The following MDGA2 variants were observed in gnomAD, a reference collection of about 807,000 sequenced individuals.
MDGA2 encodes the protein MAM domain-containing glycosylphosphatidylinositol anchor protein 2.
Under a neutral mutation model 117.8 loss-of-function variants are expected in MDGA2, and 40 were observed. The ratio of observed to expected loss-of-function variants is 0.34; its 90% CI spans 0.26 to 0.44. MDGA2 has a LOEUF of 0.44. Among genes scored for constraint, MDGA2 ranks in the 20% least tolerant of loss-of-function variants. MDGA2 has a pLI of 1.00. For missense variants in MDGA2, 1,123 were observed against 1,250.6 expected, an observed-to-expected ratio of 0.90 and a Z score of 1.54; for synonymous variants, 452 against 439.0, an observed-to-expected ratio of 1.03 and a Z score of -0.37.
chr14:46,930,419 T>TA (rs202087967), intron 9 of MDGA2, among the ~76,000 whole-genome samples: 3,009 of 151,722 alleles, frequency 0.02, 99 homozygotes, highest in African/African-American at 0.068. Flanking sequence ...CCAACATCAG[T>TA]AAAAAAAACA....
At chr14:47,062,321 C>T (rs1000730843) in intron 6 of MDGA2, among the ~76,000 whole-genome samples, 5 of 151,848 alleles carry the variant, frequency 3.3e-5, no homozygotes, top group Non-Finnish European at 5.9e-5. Flanking sequence ...AAATGTTTTC[C>T]AGGTCTAAAG....
At chr14:47,638,197 C>T (rs1259521766) in intron 1 of MDGA2, among the ~76,000 whole-genome samples, 2 of 152,022 alleles carry the variant, frequency 1.3e-5, no homozygotes, top group Non-Finnish European at 2.9e-5. Flanking sequence ...TGCAGATATA[C>T]GAATGTTTAC....
intron 1 of MDGA2, among the ~76,000 whole-genome samples, chr14:47,312,447 T>C (rs12436653): frequency 0.089 from 13,539 of 152,164 alleles, 733 homozygotes; most frequent in Non-Finnish European, 0.11. Flanking sequence ...CCTGAATAAA[T>C]TAATAAACAC....
intron 1 of MDGA2, among the ~76,000 whole-genome samples, chr14:47,380,508 A>C (rs1182119803): frequency 6.6e-6 from 1 of 152,028 alleles, no homozygotes; most frequent in Admixed American, 6.6e-5. Flanking sequence ...AATCAAATAG[A>C]CGCAATAAAA....
At chr14:47,646,194 A>G (rs1566557232) in intron 1 of MDGA2, among the ~76,000 whole-genome samples, 1 of 151,962 alleles carries the variant, frequency 6.6e-6, no homozygotes, top group South Asian at 2.1e-4. Flanking sequence ...TATACAATAT[A>G]CCAATAGGTT....
chr14:47,357,819 C>A (rs1004684296), intron 1 of MDGA2, among the ~76,000 whole-genome samples: 4 of 152,122 alleles, frequency 2.6e-5, no homozygotes, highest in Non-Finnish European at 5.9e-5. Context: ...CCAGGTGACC[C>A]CAAAACTTAC....
At chr14:47,430,928 T>C (rs547474171) in intron 1 of MDGA2, among the ~76,000 whole-genome samples, 2 of 152,196 alleles carry the variant, frequency 1.3e-5, no homozygotes, top group South Asian at 2.1e-4. Context: ...ATTTTGAAGA[T>C]TGACTGAGTG....
In MDGA2 at chr14:47,053,632, TATATATATATATATATATATATACAC is replaced by T. The variant is rs1336457710; in HGVS notation, c.1525+7591_1525+7616del. ...ATATATATATATATATATATATATA[TATATATATATATATATATATATACAC>T]ACACACACACACATATATATATACA... On this transcript the variant is annotated intron_variant, in intron 7 of 16. Transcript: ENST00000399232. Among the ~76,000 whole-genome samples, 149 of 95,224 alleles carry T rather than the reference TATATATATATATATATATATATACAC, an allele frequency of 1.6e-3. 2 individuals are homozygous for T. Among genetic ancestry groups the T allele is most frequent in the African/African-American group, 5.0e-3 (116 of 22,996 alleles). The allele number at this position is 95,224 out of a possible 152,430, so 62.5% of individuals were successfully genotyped here.
chr14:46,853,164 A>G (rs180900435), intron 15 of MDGA2, among the ~76,000 whole-genome samples: 77 of 152,074 alleles, frequency 5.1e-4, no homozygotes, highest in African/African-American at 1.8e-3. Flanking sequence ...AAATCCAATG[A>G]CTTAGATGAA....
chr14:47,405,437 A>G (rs1290776428), intron 1 of MDGA2, among the ~76,000 whole-genome samples: 8 of 152,174 alleles, frequency 5.3e-5, no homozygotes, highest in Admixed American at 5.2e-4. Flanking sequence ...TCTGAGAATT[A>G]ATCATTCATT....
chr14:47,155,718 C>G (rs1414120460), intron 3 of MDGA2, among the ~76,000 whole-genome samples: 1 of 151,988 alleles, frequency 6.6e-6, no homozygotes, highest in Non-Finnish European at 1.5e-5. Flanking sequence ...GCAAGCTGAG[C>G]ACAGCCTAAC....
chr14:47,478,114 C>A (rs1040504684), intron 1 of MDGA2, among the ~76,000 whole-genome samples: 2 of 152,200 alleles, frequency 1.3e-5, no homozygotes, highest in Non-Finnish European at 2.9e-5. Flanking sequence ...AGGCAAAACT[C>A]AACCTTACAT....
At chr14:47,009,699 T>C (rs530775607) in intron 8 of MDGA2, among the ~76,000 whole-genome samples, 37 of 152,210 alleles carry the variant, frequency 2.4e-4, no homozygotes, top group Non-Finnish European at 5.1e-4. Context: ...ATTTCCTCAA[T>C]TGGACATACT....
chr14:46,880,029 T>TA (rs1875991355), intron 11 of MDGA2, among the ~76,000 whole-genome samples: 1 of 152,080 alleles, frequency 6.6e-6, no homozygotes, highest in African/African-American at 2.4e-5. Context: ...TAATCAGTGA[T>TA]AAAAAGAATC....
chr14:47,006,471 TATC>T (rs1424763696), intron 8 of MDGA2, among the ~76,000 whole-genome samples: 1 of 148,392 alleles, frequency 6.7e-6, no homozygotes, highest in Non-Finnish European at 1.5e-5. Flanking sequence ...ATATATAAAA[TATC>T]ATTAATAACA....
intron 15 of MDGA2, among the ~76,000 whole-genome samples, chr14:46,850,617 C>G (rs1232277334): frequency 6.6e-6 from 1 of 151,786 alleles, no homozygotes; most frequent in Admixed American, 6.6e-5. Context: ...TATTTTATCA[C>G]TGGTTTAGCA....
chr14:47,068,881 C>T (rs1024587916), intron 6 of MDGA2, among the ~76,000 whole-genome samples: 3 of 152,032 alleles, frequency 2.0e-5, no homozygotes, highest in African/African-American at 2.4e-5. Flanking sequence ...CTTTCTTGAG[C>T]TTTTTTGTTT....
Position 46,963,289 on chromosome 14 carries a change from A to C in MDGA2, c.1820-5646T>G, listed in dbSNP as rs1391042953. Among the ~76,000 whole-genome samples the C allele has an allele frequency of 9.8e-5, 15 of 152,326 alleles. 1 individual carries two copies. The East Asian group carries it at 2.9e-3, about 29-fold the overall frequency. On this transcript the variant is annotated intron_variant, in intron 8 of 16. Coordinates refer to ENST00000399232, the MANE Select transcript of MDGA2 (RefSeq NM_001113498.3). ...ATTATTTCTCACATGGACTACAACA[A>C]ATTCCCTGCAGTATACCTGTAATAG...
At chr14:47,174,352 T>G (rs933330058) in intron 3 of MDGA2, among the ~76,000 whole-genome samples, 19 of 152,286 alleles carry the variant, frequency 1.2e-4, no homozygotes, top group African/African-American at 4.1e-4. Flanking sequence ...TACATTTTTT[T>G]CAGCACCACA....
Sources: allele counts gnomAD v4.1 joint callset (sites outside exome capture counted in the v4.1 genomes callset), GRCh38; gene constraint gnomAD v4.1.1; transcripts MANE v1.5; gene names NCBI Gene and HGNC (gene_info 2026-07-23, HGNC 2026-07-21).